ELAPOR2: variants seen among roughly 807,000 people sequenced by gnomAD.
ELAPOR2 encodes the protein endosome/lysosome-associated apoptosis and autophagy regulator family member 2.
A neutral mutation model predicts 120.7 loss-of-function variants in ELAPOR2; 89 were observed. That is an observed-to-expected ratio of 0.74 (90% CI 0.62 to 0.88). The LOEUF (loss-of-function observed/expected upper bound fraction) is 0.88, where lower values mean the gene tolerates loss of function less well. Among genes scored for constraint, ELAPOR2 ranks in the 40% least tolerant of loss-of-function variants. The pLI, the probability that ELAPOR2 is intolerant of heterozygous loss-of-function variation, is 0.00. For synonymous variants in ELAPOR2, 444 were observed against 444.9 expected, an observed-to-expected ratio of 1.00 and a Z score of 0.03; for missense variants, 1,134 against 1,251.6, an observed-to-expected ratio of 0.91 and a Z score of 1.42.
chr7:86,892,008 C>T, intron 20 of ELAPOR2, 119 bp from the exon 21 acceptor site: 1 of 638,272 alleles, frequency 1.6e-6, no homozygotes, highest in East Asian at 2.8e-5. Context: ...AATTGCTCCA[C>T]CAACAAATTT....
chr7:87,008,779 G>C (rs554271217), intron 1 of ELAPOR2, among the ~76,000 whole-genome samples: 1 of 152,332 alleles, frequency 6.6e-6, no homozygotes, highest in South Asian at 2.1e-4. Context: ...ATGAGACAGA[G>C]AGAGAGAATG....
intron 1 of ELAPOR2, among the ~76,000 whole-genome samples, chr7:87,042,847 A>G (rs1794828304): frequency 1.3e-5 from 2 of 152,200 alleles, no homozygotes; most frequent in African/African-American, 2.4e-5. Flanking sequence ...GGATCAACAA[A>G]ATTGAATGAC....
At chr7:87,051,846 G>A (rs34954010) in intron 1 of ELAPOR2, among the ~76,000 whole-genome samples, 11,911 of 152,250 alleles carry the variant, frequency 0.078, 484 homozygotes, top group East Asian at 0.13. Flanking sequence ...TCAGAAAGAG[G>A]TGCTTTATTA....
chr7:86,905,070 A>AAGGAAGGAAG (rs1361156377), intron 18 of ELAPOR2, among the ~76,000 whole-genome samples: 1 of 98,148 alleles, frequency 1.0e-5, no homozygotes, highest in East Asian at 3.4e-4. Context: ...ACAGAGAGAG[A>AAGGAAGGAAG]GAAGGAAGGA....
In ELAPOR2 at chr7:86,988,578, G is replaced by A. The variant is rs188867070; in HGVS notation, c.190-23554C>T. ...GATATTGGTATCTACTAGGGGTTCC[G>A]GAACCAATCCCCTACAGATACTGAG... On this transcript the variant is annotated intron_variant, in intron 1 of 21. Coordinates refer to ENST00000450689, the MANE Select transcript of ELAPOR2 (RefSeq NM_001142749.3). Among the ~76,000 whole-genome samples, 489 of 152,172 alleles carry A rather than the reference G, an allele frequency of 3.2e-3. 1 individual carries two copies. Among genetic ancestry groups the A allele is most frequent in the African/African-American group, 0.011 (451 of 41,514 alleles).
intron 1 of ELAPOR2, among the ~76,000 whole-genome samples, chr7:87,024,129 CCT>C (rs1370991707): frequency 6.6e-6 from 1 of 152,054 alleles, no homozygotes; most frequent in East Asian, 1.9e-4. Flanking sequence ...AGAGGGCATC[CCT>C]CTCTTGTGCC....
Position 87,039,910 on chromosome 7 carries a change from C to T in ELAPOR2, c.189+19415G>A, listed in dbSNP as rs552071888. 5.7e-4 allele frequency among the ~76,000 whole-genome samples: 86 copies of T among 152,126 alleles called. 1 individual carries two copies. Among genetic ancestry groups the T allele is most frequent in the African/African-American group, 1.9e-3 (80 of 41,498 alleles). On this transcript the variant is annotated intron_variant, in intron 1 of 21. Coordinates refer to ENST00000450689, the MANE Select transcript of ELAPOR2 (RefSeq NM_001142749.3). ...GACAGAGGGCGCAGGTCAGTGGGTG[C>T]GCGCACCGTGCACGAGCCAAAGCAG...
At chr7:87,020,923 T>C (rs1794018358) in intron 1 of ELAPOR2, among the ~76,000 whole-genome samples, 1 of 152,148 alleles carries the variant, frequency 6.6e-6, no homozygotes, top group African/African-American at 2.4e-5. Context: ...TTCTCTTGCA[T>C]GTGCTACTTT....
At chr7:86,951,910 T>C (rs1055333311) in intron 2 of ELAPOR2, among the ~76,000 whole-genome samples, 1 of 152,202 alleles carries the variant, frequency 6.6e-6, no homozygotes, top group South Asian at 2.1e-4. Flanking sequence ...CTGAAAGGCA[T>C]AGCACAGCCC....
chr7:87,023,426 C>T (rs971129696), intron 1 of ELAPOR2, among the ~76,000 whole-genome samples: 1 of 152,084 alleles, frequency 6.6e-6, no homozygotes, highest in Admixed American at 6.6e-5. Context: ...TGGTCTATAT[C>T]TCTGTTTTGG....
At chr7:86,935,090 C>T (rs1469060931) in intron 8 of ELAPOR2, among the ~76,000 whole-genome samples, 1 of 152,002 alleles carries the variant, frequency 6.6e-6, no homozygotes, top group African/African-American at 2.4e-5. Context: ...GTATATAAAA[C>T]ACTGCCAAAG....
At chr7:87,030,851 G>T (rs1297651077) in intron 1 of ELAPOR2, among the ~76,000 whole-genome samples, 1 of 152,164 alleles carries the variant, frequency 6.6e-6, no homozygotes, top group Non-Finnish European at 1.5e-5. Context: ...ACATACCCAA[G>T]ACTGGGTAAT....
intron 11 of ELAPOR2, 38 bp from the exon 12 acceptor site, chr7:86,918,582 T>C: frequency 8.3e-7 from 1 of 1,198,828 alleles, no homozygotes; most frequent in Admixed American, 1.8e-5. Context: ...TTATACTATG[T>C]TCTAAATACA....
intron 1 of ELAPOR2, among the ~76,000 whole-genome samples, chr7:86,977,863 A>G (rs1792332602): frequency 6.6e-6 from 1 of 152,250 alleles, no homozygotes; most frequent in South Asian, 2.1e-4. Context: ...CCTTTATCAT[A>G]TCAAGTTTAT....
chr7:87,008,201 A>G (rs966911725), intron 1 of ELAPOR2, among the ~76,000 whole-genome samples: 3 of 152,344 alleles, frequency 2.0e-5, no homozygotes, highest in Admixed American at 1.3e-4. Flanking sequence ...ATTTGTGTCA[A>G]AAACATATAA....
At chr7:86,911,939 C>A (rs2116082371) in intron 15 of ELAPOR2, 133 bp downstream of exon 15, 2 of 912,754 alleles carry the variant, frequency 2.2e-6, no homozygotes, top group Non-Finnish European at 3.4e-6. Flanking sequence ...AATAGAGGAT[C>A]TAAGCAATCA....
intron 1 of ELAPOR2, among the ~76,000 whole-genome samples, chr7:86,988,304 C>T (rs1278725638): frequency 6.6e-6 from 1 of 152,056 alleles, no homozygotes; most frequent in East Asian, 1.9e-4. Flanking sequence ...TGTAACAAGC[C>T]TGCACGTTGT....
chr7:86,961,398 A>T (rs1231797670), intron 2 of ELAPOR2, among the ~76,000 whole-genome samples: 1 of 152,222 alleles, frequency 6.6e-6, no homozygotes, highest in East Asian at 1.9e-4. Flanking sequence ...CTCCCCAAAT[A>T]AGAGAATATA....
intron 2 of ELAPOR2, among the ~76,000 whole-genome samples, chr7:86,959,188 T>C (rs1175831468): frequency 6.6e-6 from 1 of 152,234 alleles, no homozygotes; most frequent in Non-Finnish European, 1.5e-5. Context: ...TTTGCTGACT[T>C]TACTAGTTCT....
Sources: gnomAD v4.1 joint callset for allele counts (sites outside exome capture counted in the v4.1 genomes callset) on GRCh38, gnomAD v4.1.1 for gene constraint, MANE v1.5 for transcripts, NCBI Gene and HGNC (gene_info 2026-07-23, HGNC 2026-07-21) for gene names.